The following ARHGEF6 variants were observed in gnomAD, a reference collection of about 807,000 sequenced individuals.
The protein encoded by ARHGEF6 is Rac/Cdc42 guanine nucleotide exchange factor 6, also known as rho guanine nucleotide exchange factor 6.
Under a neutral mutation model 70.3 loss-of-function variants are expected in ARHGEF6, and 9 were observed. The ratio of observed to expected loss-of-function variants is 0.13; its 90% CI spans 0.08 to 0.22. The LOEUF is 0.22. Among genes scored for constraint, ARHGEF6 ranks in the 10% least tolerant of loss-of-function variants. The pLI, the probability that ARHGEF6 is intolerant of heterozygous loss-of-function variation, is 1.00. For missense variants in ARHGEF6, 470 were observed against 563.0 expected, an observed-to-expected ratio of 0.83 and a Z score of 1.67; for synonymous variants, 201 against 207.8, an observed-to-expected ratio of 0.97 and a Z score of 0.28.
At chrX:136,722,251 T>C (rs2076806200) in intron 6 of ARHGEF6, among the ~76,000 whole-genome samples, 1 of 111,850 alleles carries the variant, frequency 8.9e-6, no homozygotes, top group South Asian at 3.7e-4. Flanking sequence ...GAGGAAATCT[T>C]CATGACTTTC....
chrX:136,673,881 A>G (rs1049154283), intron 19 of ARHGEF6, among the ~76,000 whole-genome samples: 10 of 105,623 alleles, frequency 9.5e-5, no homozygotes, highest in African/African-American at 2.8e-4. Flanking sequence ...GTATTTATTT[A>G]TTTTTGATGG....
At chrX:136,731,060 T>G (rs2148646899) in intron 6 of ARHGEF6, among the ~76,000 whole-genome samples, 1 of 111,943 alleles carries the variant, frequency 8.9e-6, no homozygotes, top group East Asian at 2.8e-4. Flanking sequence ...GGAACCTACC[T>G]CTGCTGGGTA....
intron 9 of ARHGEF6, among the ~76,000 whole-genome samples, chrX:136,705,055 G>C (rs2076612627): frequency 9.0e-6 from 1 of 111,353 alleles, no homozygotes; most frequent in Admixed American, 9.5e-5. Flanking sequence ...TTTTTTGTCT[G>C]AGGCAGAGTC....
At chrX:136,719,743 T>C (rs900072546) in intron 6 of ARHGEF6, among the ~76,000 whole-genome samples, 10 of 111,263 alleles carry the variant, frequency 9.0e-5, no homozygotes, top group African/African-American at 3.3e-4. Flanking sequence ...ATCAACAAAA[T>C]TGATGAACTT....
intron 9 of ARHGEF6, among the ~76,000 whole-genome samples, chrX:136,691,116 G>A (rs2076454012): frequency 9.0e-6 from 1 of 111,282 alleles, no homozygotes. Context: ...GAGATATACA[G>A]TGTATCAGAT....
At chrX:136,762,814 G>A (rs959970189) in intron 2 of ARHGEF6, among the ~76,000 whole-genome samples, 1 of 111,879 alleles carries the variant, frequency 8.9e-6, no homozygotes, top group African/African-American at 3.3e-5. Flanking sequence ...TTAATAAGTG[G>A]TATTACTACT....
intron 9 of ARHGEF6, among the ~76,000 whole-genome samples, chrX:136,692,608 A>G (rs1204026448): frequency 8.9e-6 from 1 of 112,363 alleles, no homozygotes; most frequent in African/African-American, 3.2e-5. Flanking sequence ...TTTCATGCTA[A>G]GAATTGTACA....
chrX:136,779,997 A>T (rs746294673), intron 1 of ARHGEF6, among the ~76,000 whole-genome samples: 1 of 112,418 alleles, frequency 8.9e-6, no homozygotes, highest in East Asian at 2.8e-4. Context: ...TGGCTCATGA[A>T]GGCAAAAGTG....
rs1035231392 is a variant in ARHGEF6 at position 136,667,771 on chromosome X, C to G, written c.*258G>C. 26 of 406,152 alleles carry G rather than the reference C, an allele frequency of 6.4e-5. No homozygotes were observed. The highest frequency in any genetic ancestry group is 9.9e-5 in the Non-Finnish European group (23 of 232,615). The allele number at this position is 406,152 out of a possible 1,213,427, so 33.5% of individuals were successfully genotyped here. A position where few individuals can be genotyped will look rare whatever the true frequency, so the allele number is the denominator to read the frequency against. ...AAAGACTCTGAGGCCATCTCTACCA[C>G]CACTTCCTGCTTTTTCACCTGTTGA... On this transcript the variant is annotated 3_prime_UTR_variant, in exon 22 of 22. Coordinates refer to ENST00000250617, the MANE Select transcript of ARHGEF6 (RefSeq NM_004840.3).
intron 2 of ARHGEF6, among the ~76,000 whole-genome samples, chrX:136,772,828 A>G (rs767910050): frequency 1.4e-4 from 16 of 111,990 alleles, no homozygotes; most frequent in Admixed American, 6.6e-4. Context: ...GTGCCACTGC[A>G]CTCCAGCCTG....
chrX:136,722,901 C>T (rs2076814104), intron 6 of ARHGEF6, among the ~76,000 whole-genome samples: 1 of 112,353 alleles, frequency 8.9e-6, no homozygotes, highest in South Asian at 3.6e-4. Context: ...AACCCAAAGT[C>T]CATCAACTGA....
chrX:136,722,827 C>T (rs761341400), intron 6 of ARHGEF6, among the ~76,000 whole-genome samples: 190 of 112,189 alleles, frequency 1.7e-3, no homozygotes, highest in African/African-American at 5.6e-3. Context: ...AACATATGTC[C>T]ACACAAAAAC....
chrX:136,751,116 C>T (rs745718841), intron 2 of ARHGEF6, among the ~76,000 whole-genome samples: 10 of 111,748 alleles, frequency 8.9e-5, no homozygotes, highest in African/African-American at 2.6e-4. Flanking sequence ...GGATTACAGG[C>T]GTGAGCCACC....
intron 9 of ARHGEF6, among the ~76,000 whole-genome samples, chrX:136,697,071 A>T (rs772852867): frequency 2.7e-5 from 3 of 111,234 alleles, no homozygotes; most frequent in Admixed American, 1.9e-4. Flanking sequence ...CATGCTGGAA[A>T]AGGCAAGCTG....
chrX:136,696,506 T>C (rs1463334901), intron 9 of ARHGEF6, among the ~76,000 whole-genome samples: 1 of 110,056 alleles, frequency 9.1e-6, no homozygotes, highest in Non-Finnish European at 1.9e-5. Context: ...TAGTCACAGC[T>C]GCTCAGGAGG....
chrX:136,748,534 A>T (rs1442692163), intron 2 of ARHGEF6, among the ~76,000 whole-genome samples: 3 of 112,307 alleles, frequency 2.7e-5, no homozygotes, highest in Non-Finnish European at 5.6e-5. Context: ...GCACAGGTAC[A>T]ATCTATTAAT....
In ARHGEF6 at chrX:136,675,003, C is replaced by T; in HGVS notation, c.2035+4G>A. On this transcript the variant is annotated splice_donor_region_variant and intron_variant, in intron 19 of 21. Coordinates refer to ENST00000250617, the MANE Select transcript of ARHGEF6 (RefSeq NM_004840.3). ...ACTAGAGAAAGTAGTTTGGGGGAACCTACTTGAGCCATGGCCTTGTTGAAA... is the reference window on the plus strand; with the variant it reads ...ACTAGAGAAAGTAGTTTGGGGGAACTTACTTGAGCCATGGCCTTGTTGAAA... 1.7e-6 allele frequency: 2 copies of T among 1,207,005 alleles called. No homozygotes were observed. The highest frequency in any genetic ancestry group is 2.2e-6 in the Non-Finnish European group (2 of 891,197).
intron 9 of ARHGEF6, among the ~76,000 whole-genome samples, chrX:136,706,699 C>T (rs754465245): frequency 8.9e-6 from 1 of 112,007 alleles, no homozygotes; most frequent in East Asian, 2.8e-4. Context: ...TCCTGTATCC[C>T]CATCAGCTGG....
intron 6 of ARHGEF6, among the ~76,000 whole-genome samples, chrX:136,727,385 CTT>C (rs533154198): frequency 4.7e-4 from 35 of 73,685 alleles, no homozygotes; most frequent in African/African-American, 1.1e-3. Context: ...TTCTTTCTTT[CTT>C]TCTTTCTTTC....
Sources: gnomAD v4.1 joint callset for allele counts (sites outside exome capture counted in the v4.1 genomes callset) on GRCh38, gnomAD v4.1.1 for gene constraint, MANE v1.5 for transcripts, NCBI Gene and HGNC (gene_info 2026-07-23, HGNC 2026-07-21) for gene names.